RPS6KC1: variants seen among roughly 807,000 people sequenced by gnomAD.
RPS6KC1 encodes the protein inactive ribosomal protein S6 kinase delta-1.
A neutral mutation model predicts 103.8 loss-of-function variants in RPS6KC1; 54 were observed. The ratio of observed to expected loss-of-function variants is 0.52; its 90% CI spans 0.42 to 0.65. The LOEUF (loss-of-function observed/expected upper bound fraction) is 0.65, where lower values mean the gene tolerates loss of function less well. Ranked by LOEUF, RPS6KC1 falls within the 30% of genes least tolerant of loss-of-function variation. RPS6KC1 has a pLI of 0.00. For missense variants in RPS6KC1, 1,151 were observed against 1,253.8 expected, an observed-to-expected ratio of 0.92 and a Z score of 1.24; for synonymous variants, 439 against 438.7, an observed-to-expected ratio of 1.00 and a Z score of -0.01.
At chr1:213,287,953 T>C in the RPS6KC1 span, among the ~76,000 whole-genome samples, 5 of 115,394 alleles carry the variant, frequency 4.3e-5, no homozygotes, top group African/African-American at 1.2e-4. Flanking sequence ...AGAATATCTG[T>C]TTATTAATCT....
At chr1:213,771,962 G>A in the RPS6KC1 span, among the ~76,000 whole-genome samples, 1 of 152,158 alleles carries the variant, frequency 6.6e-6, no homozygotes, top group Non-Finnish European at 1.5e-5. Flanking sequence ...TCGCTTTCTT[G>A]ATGAGAAAAC....
chr1:213,445,805 G>A, the RPS6KC1 span, among the ~76,000 whole-genome samples: 2 of 152,222 alleles, frequency 1.3e-5, no homozygotes, highest in Non-Finnish European at 2.9e-5. Context: ...TGACTGCTAA[G>A]TGGCCGGTTT....
chr1:213,526,324 A>C, the RPS6KC1 span, among the ~76,000 whole-genome samples: 1 of 152,138 alleles, frequency 6.6e-6, no homozygotes, highest in Non-Finnish European at 1.5e-5. Flanking sequence ...TGGGAGAGAG[A>C]GAGCGTACTG....
At chr1:213,550,063 T>C in the RPS6KC1 span, among the ~76,000 whole-genome samples, 1 of 152,154 alleles carries the variant, frequency 6.6e-6, no homozygotes, top group African/African-American at 2.4e-5. Flanking sequence ...GAAATAATCA[T>C]AATTGTGTGC....
the RPS6KC1 span, among the ~76,000 whole-genome samples, chr1:213,460,467 G>A: frequency 1.2e-5 from 1 of 84,704 alleles, no homozygotes; most frequent in Non-Finnish European, 2.3e-5. Context: ...CCTTTATTTT[G>A]AGCCTATGTG....
chr1:213,692,617 G>A, the RPS6KC1 span, among the ~76,000 whole-genome samples: 1 of 152,166 alleles, frequency 6.6e-6, no homozygotes, highest in East Asian at 1.9e-4. Context: ...GGGGCCACAT[G>A]TGCAGTGTGT....
chr1:213,531,987 C>A, the RPS6KC1 span, among the ~76,000 whole-genome samples: 2 of 152,220 alleles, frequency 1.3e-5, no homozygotes, highest in Non-Finnish European at 2.9e-5. Context: ...TCTCCCCCTA[C>A]CCTCGTTCCT....
chr1:213,631,219 T>C, the RPS6KC1 span, among the ~76,000 whole-genome samples: 1 of 152,054 alleles, frequency 6.6e-6, no homozygotes, highest in Non-Finnish European at 1.5e-5. Flanking sequence ...TCCACTGTCC[T>C]GCACCCACTG....
the RPS6KC1 span, among the ~76,000 whole-genome samples, chr1:213,637,542 A>C: frequency 1.3e-5 from 2 of 150,540 alleles, no homozygotes; most frequent in Admixed American, 1.3e-4. Context: ...TTGTGCTTAT[A>C]TACCCTAGAA....
the RPS6KC1 span, among the ~76,000 whole-genome samples, chr1:213,613,034 C>T: frequency 6.6e-6 from 1 of 152,164 alleles, no homozygotes; most frequent in African/African-American, 2.4e-5. Context: ...GCATTGATTG[C>T]CCATGTCATC....
chr1:213,062,738 G>A (rs865938090), intron 1 of RPS6KC1, among the ~76,000 whole-genome samples: 21 of 152,164 alleles, frequency 1.4e-4, no homozygotes, highest in Middle Eastern at 3.4e-3. Context: ...TGTATTTTTA[G>A]TAGAGACAGG....
At chr1:213,152,191 C>G (rs1364946990) in intron 6 of RPS6KC1, among the ~76,000 whole-genome samples, 3 of 142,228 alleles carry the variant, frequency 2.1e-5, no homozygotes, top group African/African-American at 7.9e-5. Context: ...GCTGACCCCC[C>G]ACCTCCCTCC....
intron 8 of RPS6KC1, among the ~76,000 whole-genome samples, chr1:213,216,252 T>A (rs933709662): frequency 2.0e-5 from 3 of 152,128 alleles, no homozygotes; most frequent in Admixed American, 1.3e-4. Flanking sequence ...AACAGACTTT[T>A]AACCAACAAA....
the RPS6KC1 span, among the ~76,000 whole-genome samples, chr1:213,363,608 T>C: frequency 0.028 from 1,877 of 67,404 alleles, 165 homozygotes; most frequent in Non-Finnish European, 0.036. Flanking sequence ...CTCGCTCGCT[T>C]GCTTGCTTGC....
At chr1:213,184,478 A>AT (rs60844583) in intron 8 of RPS6KC1, among the ~76,000 whole-genome samples, 2,305 of 147,780 alleles carry the variant, frequency 0.016, 53 homozygotes, top group African/African-American at 0.05. Context: ...TTGATCTTGT[A>AT]TTTTTTTTTT....
intron 1 of RPS6KC1, 112 bp downstream of exon 1, chr1:213,051,621 GGT>G: frequency 1.4e-6 from 1 of 739,162 alleles, no homozygotes; most frequent in Non-Finnish European, 2.3e-6. Flanking sequence ...GGTGGGACTG[GGT>G]GCTGCTCCTA....
chr1:213,857,761 C>T, the RPS6KC1 span, among the ~76,000 whole-genome samples: 1 of 152,192 alleles, frequency 6.6e-6, no homozygotes, highest in Non-Finnish European at 1.5e-5. Context: ...AGCAGGACGT[C>T]CTGCTTGGGC....
the RPS6KC1 span, among the ~76,000 whole-genome samples, chr1:213,859,562 G>T: frequency 1.3e-5 from 2 of 152,214 alleles, no homozygotes; most frequent in Admixed American, 1.3e-4. Flanking sequence ...AGAACAAGAG[G>T]GTTTGTCTGT....
At chr1:213,545,672 G>T in the RPS6KC1 span, among the ~76,000 whole-genome samples, 1 of 151,908 alleles carries the variant, frequency 6.6e-6, no homozygotes. Context: ...TGAGGTACTG[G>T]GGGGTTAGGA....
Sources: gnomAD v4.1 joint callset for allele counts (sites outside exome capture counted in the v4.1 genomes callset) on GRCh38, gnomAD v4.1.1 for gene constraint, MANE v1.5 for transcripts, NCBI Gene and HGNC (gene_info 2026-07-23, HGNC 2026-07-21) for gene names.